The following KIF21A variants were observed in gnomAD, a reference collection of about 807,000 sequenced individuals.
KIF21A encodes the protein kinesin family member 21A, also known as kinesin-like protein KIF21A.
Under a neutral mutation model 202.9 loss-of-function variants are expected in KIF21A, and 114 were observed. The ratio of observed to expected loss-of-function variants is 0.56; its 90% CI spans 0.48 to 0.66. KIF21A has a LOEUF of 0.66. KIF21A is among the 30% of genes least tolerant of loss of function. The pLI is 0.00. For synonymous variants in KIF21A, 667 were observed against 670.8 expected (o/e 0.99, Z 0.09); for missense variants, 1,677 against 1,994.9 (o/e 0.84, Z 3.04).
chr12:39,361,707 C>T (rs56885420), intron 7 of KIF21A, among the ~76,000 whole-genome samples: 9,883 of 151,864 alleles, frequency 0.065, 518 homozygotes, highest in South Asian at 0.27. Flanking sequence ...AGGGTTTCAC[C>T]GTGTTAGCCA....
intron 37 of KIF21A, 80 bp downstream of exon 37, chr12:39,301,400 G>A (rs1281682231): frequency 3.5e-5 from 38 of 1,080,872 alleles, no homozygotes; most frequent in African/African-American, 6.2e-5. Context: ...TATATTCAAC[G>A]TTTCTAGATA....
At chr12:39,357,111 A>G in intron 9 of KIF21A, 137 bp downstream of exon 9, 2 of 730,512 alleles carry the variant, frequency 2.7e-6, no homozygotes, top group East Asian at 2.6e-5. Context: ...GAAATTAGGT[A>G]TTTAACTTAA....
chr12:39,439,376 C>T lies in KIF21A; in HGVS notation c.44+3551G>A, dbSNP rs555977482. Among the ~76,000 whole-genome samples, 14 of 152,192 alleles carry T rather than the reference C, an allele frequency of 9.2e-5. No individual in the cohort carries two copies. In the South Asian group the frequency reaches 2.7e-3, roughly 29 times the overall value. ...AGCAAAGTATTATCATTTCAACATA[C>T]AGTCAATATAAGAATTGAAATATTT... is the stretch of plus-strand genomic sequence containing the variant. On this transcript the variant is annotated intron_variant, in intron 1 of 37. Transcript: ENST00000361418.
At chr12:39,387,495 C>T (rs1030129558) in intron 1 of KIF21A, among the ~76,000 whole-genome samples, 6 of 152,166 alleles carry the variant, frequency 3.9e-5, no homozygotes, top group Non-Finnish European at 7.4e-5. Flanking sequence ...TAAAAATCAT[C>T]ATGATTCCCA....
chr12:39,440,026 G>A (rs375142511), intron 1 of KIF21A, among the ~76,000 whole-genome samples: 3 of 152,048 alleles, frequency 2.0e-5, no homozygotes, highest in South Asian at 4.2e-4. Flanking sequence ...ATAGACACAC[G>A]ATTTTGTATT....
rs113416368 is a variant in KIF21A at position 39,424,691 on chromosome 12, C to T, written c.44+18236G>A. ...TGCCAGCAAGTCCTAACAGCTCTAT[C>T]TCCCCAAATCTACGTTTCACCATTT... On this transcript the variant is annotated intron_variant, in intron 1 of 37. Transcript: ENST00000361418. Among the ~76,000 whole-genome samples the T allele has an allele frequency of 2.7e-3, 409 of 152,298 alleles. 3 individuals carry two copies. The highest frequency in any genetic ancestry group is 9.0e-3 in the African/African-American group (375 of 41,558).
rs766924557 is a variant in KIF21A, at chr12:39,369,845, C to A, written c.334G>T (p.Gly112Cys). The A allele has an allele frequency of 1.9e-6, 3 of 1,612,724 alleles. No homozygotes were observed. The highest frequency in any genetic ancestry group is 2.5e-6 in the Non-Finnish European group (3 of 1,179,052). The change falls in exon 3 of 38, where the codon GGT (glycine) becomes TGT (cysteine). Residue 112 changes from glycine to cysteine, a missense_variant. Around this residue, in one of 3 missense-constraint regions of KIF21A, gnomAD observed 966 missense variants for 1,180.9 expected, o/e 0.82. Transcript: ENST00000361418. The part of the protein sequence containing the change: ...FDVNIVEEEL[G>C]IISRAVKHLF... ...TGTTTAACAGCTCGAGAAATAATAC[C>A]CAGTTCTTCCTCAACAATGTTAACA...
intron 1 of KIF21A, among the ~76,000 whole-genome samples, chr12:39,428,341 T>C (rs1954921169): frequency 6.6e-6 from 1 of 152,258 alleles, no homozygotes; most frequent in African/African-American, 2.4e-5. Flanking sequence ...AAGTGAAGGT[T>C]GTTTTCAGGA....
intron 5 of KIF21A, 57 bp downstream of exon 5, chr12:39,366,973 A>C (rs1949643916): frequency 6.8e-7 from 1 of 1,465,700 alleles, no homozygotes; most frequent in East Asian, 2.3e-5. Flanking sequence ...CAGAGAATTC[A>C]TGTGGTTTTA....
intron 1 of KIF21A, among the ~76,000 whole-genome samples, chr12:39,412,876 A>G (rs917357403): frequency 6.6e-6 from 1 of 152,222 alleles, no homozygotes; most frequent in Non-Finnish European, 1.5e-5. Context: ...ATGCTGCACT[A>G]AAACTACTTC....
rs1274982485 is a variant in KIF21A, at chr12:39,388,763, C to A, written c.45-18502G>T. On this transcript the variant is annotated intron_variant, in intron 1 of 37. Coordinates refer to ENST00000361418, the MANE Select transcript of KIF21A (RefSeq NM_001173464.2). ...TCTAGAATGGCTTTAAAATCCTATT[C>A]CAACTAAACTTCTGGTTAATTTAGA... is the stretch of plus-strand genomic sequence containing the variant. Among the ~76,000 whole-genome samples, 3 of 152,246 alleles carry A rather than the reference C, an allele frequency of 2.0e-5. No individual in the cohort carries two copies. In the East Asian group the frequency reaches 5.8e-4, roughly 29 times the overall value.
chr12:39,381,865 C>T (rs140744716), intron 1 of KIF21A, among the ~76,000 whole-genome samples: 5 of 152,216 alleles, frequency 3.3e-5, no homozygotes, highest in African/African-American at 1.2e-4. Flanking sequence ...GCAAGTGAGT[C>T]TTTTAAAGAA....
intron 1 of KIF21A, among the ~76,000 whole-genome samples, chr12:39,405,042 AG>A (rs1345310051): frequency 1.9e-4 from 29 of 152,192 alleles, no homozygotes; most frequent in African/African-American, 6.5e-4. Context: ...GAGAATTTAA[AG>A]CTATTCATGT....
At chr12:39,366,964 A>C in intron 5 of KIF21A, 66 bp downstream of exon 5, 1 of 1,428,924 alleles carries the variant, frequency 7.0e-7, no homozygotes, top group Non-Finnish European at 9.9e-7. Context: ...ATATATTCTC[A>C]GAGAATTCAT....
At chr12:39,406,196 C>T (rs958523481) in intron 1 of KIF21A, among the ~76,000 whole-genome samples, 1 of 151,918 alleles carries the variant, frequency 6.6e-6, no homozygotes, top group African/African-American at 2.4e-5. Context: ...ATAATACTTT[C>T]AAGTTTTAAC....
intron 10 of KIF21A, among the ~76,000 whole-genome samples, chr12:39,356,444 A>T (rs1948779400): frequency 6.6e-6 from 1 of 152,226 alleles, no homozygotes; most frequent in African/African-American, 2.4e-5. Context: ...TATAAAAGAG[A>T]ACAGGAGATT....
intron 4 of KIF21A, 159 bp from the exon 5 acceptor site, chr12:39,367,323 C>A: frequency 4.2e-6 from 3 of 720,684 alleles, no homozygotes; most frequent in South Asian, 3.2e-5. Flanking sequence ...TTGAGATGGA[C>A]TTCTCAGTAT....
intron 12 of KIF21A, among the ~76,000 whole-genome samples, chr12:39,344,111 T>C (rs1565879233): frequency 1.3e-5 from 2 of 152,114 alleles, no homozygotes; most frequent in Non-Finnish European, 1.5e-5. Context: ...GAGAAAAATG[T>C]GCTTGAAGAA....
At chr12:39,307,986 G>C (rs1191640215) in intron 33 of KIF21A, among the ~76,000 whole-genome samples, 4 of 151,996 alleles carry the variant, frequency 2.6e-5, no homozygotes, top group South Asian at 2.1e-4. Context: ...ACTCTTACTT[G>C]GTATACTAGT....
Sources: gnomAD v4.1 joint callset for allele counts (sites outside exome capture counted in the v4.1 genomes callset) on GRCh38, gnomAD v4.1.1 for gene constraint, gnomAD v4.1.1 regional missense constraint, MANE v1.5 for transcripts, NCBI Gene and HGNC (gene_info 2026-07-23, HGNC 2026-07-21) for gene names.